NRCAM: variants seen among roughly 807,000 people sequenced by gnomAD.
NRCAM encodes neuronal cell adhesion molecule.
A neutral mutation model predicts 156.5 loss-of-function variants in NRCAM; 83 were observed. The observed-to-expected ratio is 0.53, with a 90% confidence interval of 0.44 to 0.64. The LOEUF (loss-of-function observed/expected upper bound fraction) is 0.64. Among genes scored for constraint, NRCAM ranks in the 30% least tolerant of loss-of-function variants. The pLI is 0.00. For synonymous variants in NRCAM, 538 were observed against 563.9 expected (o/e 0.95, Z 0.65); for missense variants, 1,417 against 1,597.3 (o/e 0.89, Z 1.92).
intron 13 of NRCAM, among the ~76,000 whole-genome samples, chr7:108,199,385 C>A (rs576700941): frequency 6.6e-6 from 1 of 152,308 alleles, no homozygotes; most frequent in East Asian, 1.9e-4. Flanking sequence ...GTTGCTGTAA[C>A]AACTTACCAC....
At chr7:108,235,129 A>G (rs2094798882) in intron 5 of NRCAM, among the ~76,000 whole-genome samples, 1 of 152,192 alleles carries the variant, frequency 6.6e-6, no homozygotes, top group Non-Finnish European at 1.5e-5. Flanking sequence ...ATAAATCAAT[A>G]TATGTTGGGG....
chr7:108,193,117 G>C (rs1349809637), intron 17 of NRCAM, among the ~76,000 whole-genome samples: 1 of 152,086 alleles, frequency 6.6e-6, no homozygotes, highest in African/African-American at 2.4e-5. Context: ...CAACCTTCTG[G>C]GCCCAGGTAA....
At position 108,178,071 on chromosome 7, in the gene NRCAM, G is replaced by C; in HGVS notation, c.2893C>G (p.Leu965Val). Residue 965 changes from leucine to valine, a missense_variant, in exon 26 of 33, where the codon CTG (leucine) becomes GTG (valine). By Grantham distance (32) the Leu-to-Val change is conservative. Transcript: ENST00000379028. ...TCCCATTCCAAAGTGAGAGAGTCCA[G>C]TGTTGGATTCACAATCTTCAAAGAC... is the stretch of plus-strand genomic sequence containing the variant. ...PSSLKIVNPTLDSLTLEWDPP... is the reference protein window; with the variant it reads ...PSSLKIVNPTVDSLTLEWDPP... 1 of 1,613,666 alleles carries C rather than the reference G, an allele frequency of 6.2e-7. No homozygotes were observed. The highest frequency in any genetic ancestry group is 8.5e-7 in the Non-Finnish European group (1 of 1,179,674).
At chr7:108,224,929 A>G (rs1021365980) in intron 10 of NRCAM, among the ~76,000 whole-genome samples, 5 of 152,144 alleles carry the variant, frequency 3.3e-5, no homozygotes, top group Non-Finnish European at 7.4e-5. Flanking sequence ...TCTTTTACTT[A>G]TATCTCAAGG....
intron 2 of NRCAM, among the ~76,000 whole-genome samples, chr7:108,359,660 T>C (rs567132096): frequency 4.3e-4 from 66 of 152,306 alleles, no homozygotes; most frequent in African/African-American, 1.5e-3. Flanking sequence ...GTTAGGGAAT[T>C]TGAGCTGAAG....
chr7:108,209,293 A>T, intron 12 of NRCAM, 128 bp downstream of exon 12: 1 of 629,260 alleles, frequency 1.6e-6, no homozygotes, highest in Non-Finnish European at 2.6e-6. Flanking sequence ...ATGAGAAGAG[A>T]GTCAAGGTAC....
intron 1 of NRCAM, among the ~76,000 whole-genome samples, chr7:108,425,639 C>T (rs375800896): frequency 2.6e-5 from 4 of 152,130 alleles, no homozygotes; most frequent in South Asian, 2.1e-4. Context: ...TTTCATCCAC[C>T]GAACAGATCC....
intron 13 of NRCAM, 72 bp downstream of exon 13, chr7:108,207,456 C>T: frequency 6.8e-7 from 1 of 1,459,888 alleles, no homozygotes; most frequent in Non-Finnish European, 9.3e-7. Flanking sequence ...TTTTTATCAC[C>T]ATTTATTCAC....
At chr7:108,389,946 G>C (rs994863734) in intron 2 of NRCAM, among the ~76,000 whole-genome samples, 1 of 152,186 alleles carries the variant, frequency 6.6e-6, no homozygotes, top group Non-Finnish European at 1.5e-5. Context: ...TGTGCTGCTG[G>C]ATTCGGTTTG....
chr7:108,159,239 T>A (rs761725935), intron 32 of NRCAM: 1 of 695,888 alleles, frequency 1.4e-6, no homozygotes, highest in East Asian at 2.8e-5. Flanking sequence ...GTGGGAGACA[T>A]TCCATCTCCA....
chr7:108,292,300 G>T (rs182519498), intron 3 of NRCAM, among the ~76,000 whole-genome samples: 1 of 152,128 alleles, frequency 6.6e-6, no homozygotes, highest in Non-Finnish European at 1.5e-5. Flanking sequence ...CCAAGTTTCT[G>T]TTGGCACTAG....
chr7:108,232,746 A>G (rs538414106), intron 6 of NRCAM, among the ~76,000 whole-genome samples: 1 of 152,180 alleles, frequency 6.6e-6, no homozygotes, highest in Non-Finnish European at 1.5e-5. Context: ...GAACTAGCCC[A>G]AATTTGACTC....
intron 11 of NRCAM, among the ~76,000 whole-genome samples, chr7:108,213,548 T>A (rs2085970802): frequency 6.6e-6 from 1 of 152,120 alleles, no homozygotes; most frequent in Non-Finnish European, 1.5e-5. Flanking sequence ...AGGACTCACA[T>A]AAACTTAAAA....
chr7:108,385,682 AG>A (rs746117448), intron 2 of NRCAM, among the ~76,000 whole-genome samples: 3 of 152,318 alleles, frequency 2.0e-5, no homozygotes, highest in Non-Finnish European at 2.9e-5. Context: ...CTGGAATACC[AG>A]GGTAAGGACT....
chr7:108,439,337 A>G (rs1168613338), intron 1 of NRCAM, among the ~76,000 whole-genome samples: 1 of 152,256 alleles, frequency 6.6e-6, no homozygotes, highest in African/African-American at 2.4e-5. Flanking sequence ...CACAAGCCAT[A>G]TATTTGATAA....
chr7:108,255,393 C>T (rs1050551063), intron 3 of NRCAM, among the ~76,000 whole-genome samples: 5 of 152,190 alleles, frequency 3.3e-5, no homozygotes, highest in African/African-American at 9.7e-5. Context: ...GTCTCCAGCT[C>T]CTGACCGCGA....
intron 1 of NRCAM, among the ~76,000 whole-genome samples, chr7:108,413,043 A>T (rs1797390765): frequency 6.6e-6 from 1 of 152,156 alleles, no homozygotes. Flanking sequence ...TTTTGGACAT[A>T]TGCCCAGTTG....
chr7:108,222,893 T>A (rs756689381), intron 11 of NRCAM, among the ~76,000 whole-genome samples: 3 of 152,218 alleles, frequency 2.0e-5, no homozygotes, highest in Non-Finnish European at 2.9e-5. Context: ...AACACAGAGC[T>A]AACATCACAG....
chr7:108,253,729 T>C (rs977100487), intron 3 of NRCAM, among the ~76,000 whole-genome samples: 8 of 152,186 alleles, frequency 5.3e-5, no homozygotes, highest in Non-Finnish European at 1.2e-4. Flanking sequence ...TTCAATTAAA[T>C]TTAACTCAAT....
Sources: allele counts gnomAD v4.1 joint callset (sites outside exome capture counted in the v4.1 genomes callset), GRCh38; gene constraint gnomAD v4.1.1; transcripts MANE v1.5; gene names NCBI Gene and HGNC (gene_info 2026-07-23, HGNC 2026-07-21).